The following STK32B variants were observed in gnomAD, a reference collection of about 807,000 sequenced individuals.
STK32B encodes the protein serine/threonine-protein kinase 32B.
In STK32B, 43 loss-of-function variants were observed where a neutral mutation model predicts 52.6. The ratio of observed to expected loss-of-function variants is 0.82; its 90% CI spans 0.64 to 1.05. The LOEUF (loss-of-function observed/expected upper bound fraction) is 1.05. Among genes scored for constraint, STK32B ranks in the 50% least tolerant of loss-of-function variants. The probability of loss-of-function intolerance (pLI) is 0.00; values close to 1 mark genes in which losing one functional copy is unlikely to be tolerated. For missense variants in STK32B, 621 were observed against 534.6 expected (o/e 1.16, Z -1.59); for synonymous variants, 238 against 204.3 (o/e 1.17, Z -1.41).
At chr4:5,154,211 CTT>C (rs3072774) in intron 2 of STK32B, among the ~76,000 whole-genome samples, 2,031 of 122,502 alleles carry the variant, frequency 0.017, 48 homozygotes, top group African/African-American at 0.058. Flanking sequence ...CCTTCCATGT[CTT>C]TTTTTTTTTT....
chr4:5,316,255 A>C (rs868619764), intron 3 of STK32B, among the ~76,000 whole-genome samples: 1 of 57,958 alleles, frequency 1.7e-5, no homozygotes, highest in African/African-American at 1.7e-4. Flanking sequence ...TGTATATATA[A>C]TATATTATAT....
chr4:5,141,884 C>A (rs1052536501), intron 2 of STK32B, among the ~76,000 whole-genome samples: 1 of 152,060 alleles, frequency 6.6e-6, no homozygotes, highest in Non-Finnish European at 1.5e-5. Context: ...TAGAGGTTGC[C>A]GAGTTCTGTG....
intron 3 of STK32B, among the ~76,000 whole-genome samples, chr4:5,245,627 G>T (rs1367790858): frequency 6.6e-6 from 1 of 152,076 alleles, no homozygotes; most frequent in Non-Finnish European, 1.5e-5. Context: ...GATGTTAGCT[G>T]GTTATTTTGC....
intron 3 of STK32B, among the ~76,000 whole-genome samples, chr4:5,212,665 G>T (rs1722972920): frequency 6.6e-6 from 1 of 152,160 alleles, no homozygotes; most frequent in African/African-American, 2.4e-5. Context: ...TCCCACATTT[G>T]TCATCGTCCC....
intron 7 of STK32B, among the ~76,000 whole-genome samples, chr4:5,452,756 C>T (rs900618798): frequency 1.3e-5 from 2 of 152,092 alleles, no homozygotes; most frequent in South Asian, 2.1e-4. Context: ...CCTCTGTCTT[C>T]TATTTTTTGG....
intron 1 of STK32B, among the ~76,000 whole-genome samples, chr4:5,137,817 A>G (rs540087674): frequency 1.5e-3 from 227 of 152,338 alleles, no homozygotes; most frequent in Admixed American, 2.5e-3. Flanking sequence ...GAGCAAGTGC[A>G]TGAGCTGCGT....
chr4:5,313,642 G>A lies in STK32B; in HGVS notation c.261-17578G>A, dbSNP rs543534604. Among the ~76,000 whole-genome samples, 6 of 152,168 alleles carry A rather than the reference G, an allele frequency of 3.9e-5. No homozygotes were observed. In the East Asian group the frequency reaches 1.2e-3, roughly 29 times the overall value. On this transcript the variant is annotated intron_variant, in intron 3 of 11. Coordinates refer to ENST00000282908, the MANE Select transcript of STK32B (RefSeq NM_018401.3). ...TAAAATTAAAATATCCTGGAACTAA[G>A]AAGTACATATGTGTATGTGCGTGTG...
chr4:5,235,464 A>G (rs1332446373), intron 3 of STK32B, among the ~76,000 whole-genome samples: 1 of 152,182 alleles, frequency 6.6e-6, no homozygotes. Flanking sequence ...GAAATGTCTT[A>G]ATATGTGGCA....
intron 4 of STK32B, among the ~76,000 whole-genome samples, chr4:5,345,782 A>G (rs140082970): frequency 6.6e-6 from 1 of 152,378 alleles, no homozygotes; most frequent in Admixed American, 6.5e-5. Flanking sequence ...CATAGAATTG[A>G]TCTGCTATCC....
chr4:5,416,489 G>A lies in STK32B; in HGVS notation c.473-356G>A, dbSNP rs887851217. Among the ~76,000 whole-genome samples, 5 of 151,984 alleles carry A rather than the reference G, an allele frequency of 3.3e-5. 1 individual carries two copies. The highest frequency in any genetic ancestry group is 4.2e-4 in the South Asian group (2 of 4,812). On this transcript the variant is annotated intron_variant, in intron 5 of 11. Coordinates refer to ENST00000282908, the MANE Select transcript of STK32B (RefSeq NM_018401.3). ...GGGAGAATCCTCTTCACCTACCCCCGCCCCAGCCATAGCCCACCTACAGTT... is the reference window on the plus strand; with the variant it reads ...GGGAGAATCCTCTTCACCTACCCCCACCCCAGCCATAGCCCACCTACAGTT...
chr4:5,480,447 G>A, intron 11 of STK32B, among the ~76,000 whole-genome samples: 1 of 152,108 alleles, frequency 6.6e-6, no homozygotes, highest in East Asian at 1.9e-4. Context: ...CTCAAAGCAG[G>A]GTTGGTGGGG....
chr4:5,156,960 G>A (rs1717905885), intron 2 of STK32B, among the ~76,000 whole-genome samples: 1 of 151,946 alleles, frequency 6.6e-6, no homozygotes, highest in Non-Finnish European at 1.5e-5. Context: ...ACTCTTTGCA[G>A]GCTCTCACAG....
intron 3 of STK32B, among the ~76,000 whole-genome samples, chr4:5,311,295 A>G (rs777988458): frequency 2.6e-5 from 4 of 152,208 alleles, no homozygotes; most frequent in Non-Finnish European, 4.4e-5. Flanking sequence ...TCTGATTTTT[A>G]TCATTACACA....
intron 3 of STK32B, among the ~76,000 whole-genome samples, chr4:5,234,488 T>C (rs1485430350): frequency 1.4e-5 from 2 of 146,698 alleles, no homozygotes; most frequent in Non-Finnish European, 3.0e-5. Flanking sequence ...CCTAGCTCAG[T>C]GTCTGGCACA....
intron 1 of STK32B, among the ~76,000 whole-genome samples, chr4:5,101,292 T>G (rs1713774788): frequency 6.6e-6 from 1 of 152,216 alleles, no homozygotes; most frequent in Non-Finnish European, 1.5e-5. Flanking sequence ...GGGTCTGCAC[T>G]GTTCCGCAGC....
chr4:5,335,045 A>G (rs1413079271), intron 4 of STK32B, among the ~76,000 whole-genome samples: 3 of 151,174 alleles, frequency 2.0e-5, no homozygotes, highest in Non-Finnish European at 4.4e-5. Context: ...TAGTTTCAGA[A>G]GGAATGGTAC....
intron 2 of STK32B, among the ~76,000 whole-genome samples, chr4:5,158,189 A>C (rs1180787248): frequency 6.6e-6 from 1 of 152,138 alleles, no homozygotes; most frequent in East Asian, 1.9e-4. Context: ...GCATCTTCTC[A>C]TAATGACGTC....
intron 11 of STK32B, among the ~76,000 whole-genome samples, chr4:5,493,937 TGA>T (rs1426306616): frequency 6.6e-6 from 1 of 152,300 alleles, no homozygotes; most frequent in Non-Finnish European, 1.5e-5. Context: ...CACTGTGGTC[TGA>T]GAGACAGTTT....
At chr4:5,141,280 A>T (rs998394656) in intron 2 of STK32B, among the ~76,000 whole-genome samples, 1 of 152,188 alleles carries the variant, frequency 6.6e-6, no homozygotes, top group Non-Finnish European at 1.5e-5. Flanking sequence ...CGTCCTTGAT[A>T]ATAGCATGAC....
Sources: gnomAD v4.1 joint callset for allele counts (sites outside exome capture counted in the v4.1 genomes callset) on GRCh38, gnomAD v4.1.1 for gene constraint, MANE v1.5 for transcripts, NCBI Gene and HGNC (gene_info 2026-07-23, HGNC 2026-07-21) for gene names.